The following DENND6A variants were observed in gnomAD, a reference collection of about 807,000 sequenced individuals.
The protein encoded by DENND6A is protein DENND6A.
Under a neutral mutation model 95.5 loss-of-function variants are expected in DENND6A, and 43 were observed. The observed-to-expected ratio is 0.45, with a 90% CI of 0.35 to 0.58. The LOEUF is 0.58. DENND6A is among the 20% of genes least tolerant of loss of function. DENND6A has a pLI of 0.00. For synonymous variants in DENND6A, 257 were observed against 260.4 expected (o/e 0.99, Z 0.13); for missense variants, 574 against 736.0 (o/e 0.78, Z 2.55).
chr3:57,673,213 C>CAAAAAAAAAAAAAAAAAAAAAAAAAAA (rs386396751), intron 1 of DENND6A, among the ~76,000 whole-genome samples: 7 of 70,646 alleles, frequency 9.9e-5, no homozygotes, highest in South Asian at 5.6e-4. Context: ...CATTTCGTAT[C>CAAAAAAAAAAAAAAAAAAAAAAAAAAA]AAAAAAAAAA....
In DENND6A at chr3:57,662,266, C is replaced by A. The variant is rs188688211; in HGVS notation, c.514-715G>T. ...AGTGCAATGGTGTGATCATGGCTCACTGCTGCCTCAACCTCATGGGCTCAG... is the reference window on the plus strand; with the variant it reads ...AGTGCAATGGTGTGATCATGGCTCAATGCTGCCTCAACCTCATGGGCTCAG... On this transcript the variant is annotated intron_variant, in intron 5 of 19. Coordinates refer to ENST00000311128, the MANE Select transcript of DENND6A (RefSeq NM_152678.3). Among the ~76,000 whole-genome samples the A allele has an allele frequency of 2.3e-3, 312 of 138,374 alleles. 1 individual carries two copies. Among genetic ancestry groups the A allele is most frequent in the Non-Finnish European group, 3.3e-3 (215 of 65,522 alleles). 90.8% of individuals were successfully genotyped at this position (138,374 alleles called of 152,430 possible). A position where few individuals can be genotyped will look rare whatever the true frequency, so the allele number is the denominator to read the frequency against.
In DENND6A at chr3:57,628,101, C is replaced by G. The variant is rs2153411543; in HGVS notation, c.*113G>C. ...GTCTTTCTACCCTGTAACTAGCATT[C>G]ATGGCAATTTTCCACTCCGCTGCCA... On this transcript the variant is annotated 3_prime_UTR_variant, in exon 20 of 20. Coordinates refer to ENST00000311128, the MANE Select transcript of DENND6A (RefSeq NM_152678.3). The G allele has an allele frequency of 6.9e-7, 1 of 1,459,636 alleles. No individual in the cohort carries two copies. The highest frequency in any genetic ancestry group is 9.2e-7 in the Non-Finnish European group (1 of 1,086,748). The allele number at this position is 1,459,636 out of a possible 1,614,324, so 90.4% of individuals were successfully genotyped here. A position where few individuals can be genotyped will look rare whatever the true frequency, so the allele number is the denominator to read the frequency against.
rs546016280 is a variant in DENND6A, at chr3:57,686,110, T to A, written c.237+6672A>T. Reference sequence around the variant, plus strand: ...GATAAGAAGAACAAAATAAATAGAATCCCAATAATACAAAAATAGCCTAAA... The same window carrying A: ...GATAAGAAGAACAAAATAAATAGAAACCCAATAATACAAAAATAGCCTAAA... On this transcript the variant is annotated intron_variant, in intron 1 of 19. Coordinates refer to ENST00000311128, the MANE Select transcript of DENND6A (RefSeq NM_152678.3). Among the ~76,000 whole-genome samples, 60 of 152,182 alleles carry A rather than the reference T, an allele frequency of 3.9e-4. 1 individual carries two copies. In the South Asian group the frequency reaches 0.012, roughly 29 times the overall value.
At chr3:57,653,058 T>C (rs545739174) in intron 9 of DENND6A, among the ~76,000 whole-genome samples, 2 of 152,284 alleles carry the variant, frequency 1.3e-5, no homozygotes, top group African/African-American at 2.4e-5. Context: ...TTGTAGGAAA[T>C]AGACTCTAAA....
chr3:57,681,825 T>C (rs967525158), intron 1 of DENND6A, among the ~76,000 whole-genome samples: 6 of 152,160 alleles, frequency 3.9e-5, no homozygotes, highest in African/African-American at 1.4e-4. Flanking sequence ...CAGAAGCTTA[T>C]TAGTGGCTGC....
At chr3:57,665,886 A>T in intron 4 of DENND6A, 1 of 383,368 alleles carries the variant, frequency 2.6e-6, no homozygotes, top group Non-Finnish European at 4.7e-6. Context: ...TTACCTCAAC[A>T]TTCTAATCCA....
intron 1 of DENND6A, among the ~76,000 whole-genome samples, chr3:57,678,579 G>C (rs2077130209): frequency 6.6e-6 from 1 of 152,232 alleles, no homozygotes; most frequent in African/African-American, 2.4e-5. Flanking sequence ...TTTAGAGACA[G>C]GGCCTTTGGG....
At chr3:57,663,126 G>A (rs771962617) in intron 5 of DENND6A, among the ~76,000 whole-genome samples, 32 of 145,706 alleles carry the variant, frequency 2.2e-4, no homozygotes, top group Admixed American at 6.2e-4. Context: ...ACTCCAGCCT[G>A]GGCGACAAGA....
At chr3:57,689,087 T>G (rs2153417702) in intron 1 of DENND6A, among the ~76,000 whole-genome samples, 1 of 152,146 alleles carries the variant, frequency 6.6e-6, no homozygotes, top group South Asian at 2.1e-4. Context: ...CCCGAGTAGC[T>G]GGGACTACAG....
chr3:57,640,819 C>T (rs1347334711), intron 12 of DENND6A, among the ~76,000 whole-genome samples: 2 of 152,108 alleles, frequency 1.3e-5, no homozygotes, highest in Non-Finnish European at 2.9e-5. Context: ...CATATCTTCT[C>T]ATACGCAAGA....
intron 9 of DENND6A, among the ~76,000 whole-genome samples, chr3:57,656,541 C>T (rs564619151): frequency 2.6e-5 from 4 of 151,928 alleles, no homozygotes; most frequent in Non-Finnish European, 4.4e-5. Flanking sequence ...TGAATAAATA[C>T]CTAGAAATAG....
intron 9 of DENND6A, chr3:57,654,838 C>T (rs2071292348): frequency 1.1e-6 from 1 of 919,600 alleles, no homozygotes; most frequent in Non-Finnish European, 1.3e-6. Flanking sequence ...GTAAATCTAT[C>T]ACCTTCAATA....
chr3:57,671,977 G>A (rs896947078), intron 3 of DENND6A, among the ~76,000 whole-genome samples: 6 of 152,156 alleles, frequency 3.9e-5, no homozygotes, highest in South Asian at 2.1e-4. Context: ...CATACTCCAC[G>A]AATCCCAAAT....
chr3:57,635,700 C>A (rs1157587210), intron 12 of DENND6A, among the ~76,000 whole-genome samples: 1 of 152,128 alleles, frequency 6.6e-6, no homozygotes, highest in African/African-American at 2.4e-5. Context: ...TTTTCCTTTG[C>A]AATCTTATAT....
At chr3:57,666,990 G>T (rs1288591982) in intron 3 of DENND6A, among the ~76,000 whole-genome samples, 1 of 152,186 alleles carries the variant, frequency 6.6e-6, no homozygotes, top group Non-Finnish European at 1.5e-5. Flanking sequence ...AATGGAAATT[G>T]ACTTTTTCTT....
chr3:57,656,760 C>T (rs2071334690), intron 9 of DENND6A, among the ~76,000 whole-genome samples: 1 of 152,102 alleles, frequency 6.6e-6, no homozygotes. Flanking sequence ...AGTTCGAGAC[C>T]AGCCTGGACA....
At chr3:57,651,327 AT>A (rs2071206201) in intron 9 of DENND6A, among the ~76,000 whole-genome samples, 1 of 152,202 alleles carries the variant, frequency 6.6e-6, no homozygotes, top group African/African-American at 2.4e-5. Context: ...TAACCCCCTT[AT>A]AAGTCTAGGA....
At chr3:57,637,810 AAAAT>A (rs1312573348) in intron 12 of DENND6A, among the ~76,000 whole-genome samples, 1 of 63,118 alleles carries the variant, frequency 1.6e-5, no homozygotes, top group Non-Finnish European at 4.5e-5. Flanking sequence ...GAAAACAAAA[AAAAT>A]AAATAAATAA....
chr3:57,690,073 G>A lies in DENND6A; in HGVS notation c.237+2709C>T, dbSNP rs573709076. Among the ~76,000 whole-genome samples the A allele has an allele frequency of 3.1e-3, 469 of 151,684 alleles. 2 individuals carry two copies. Among genetic ancestry groups the A allele is most frequent in the African/African-American group, 0.01 (431 of 41,356 alleles). On this transcript the variant is annotated intron_variant, in intron 1 of 19. Coordinates refer to ENST00000311128, the MANE Select transcript of DENND6A (RefSeq NM_152678.3). Reference sequence around the variant, plus strand: ...AAAAAAAAAAAAAAAAGTCAGGTGCGGTGGCTCACGCCTGTAATCCCAGCA... The same window carrying A: ...AAAAAAAAAAAAAAAAGTCAGGTGCAGTGGCTCACGCCTGTAATCCCAGCA...
Sources: gnomAD v4.1 joint callset for allele counts (sites outside exome capture counted in the v4.1 genomes callset) on GRCh38, gnomAD v4.1.1 for gene constraint, MANE v1.5 for transcripts, NCBI Gene and HGNC (gene_info 2026-07-23, HGNC 2026-07-21) for gene names.